The following EPB41 variants were observed in gnomAD, a reference collection of about 807,000 sequenced individuals.
The protein encoded by EPB41 is protein 4.1.
Under a neutral mutation model 108.0 loss-of-function variants are expected in EPB41, and 65 were observed. That is an observed-to-expected ratio of 0.60 (90% CI 0.49 to 0.74). EPB41 has a LOEUF of 0.74. Among genes scored for constraint, EPB41 ranks in the 30% least tolerant of loss-of-function variants. The pLI, the probability that EPB41 is intolerant of heterozygous loss-of-function variation, is 0.00. For synonymous variants in EPB41, 336 were observed against 358.9 expected (o/e 0.94, Z 0.72); for missense variants, 875 against 1,037.0 (o/e 0.84, Z 2.15).
chr1:28,921,410 T>C (rs2093057798), intron 1 of EPB41, among the ~76,000 whole-genome samples: 1 of 152,128 alleles, frequency 6.6e-6, no homozygotes, highest in African/African-American at 2.4e-5. Context: ...TTGAAATTCA[T>C]CCCATTCCCC....
At chr1:29,075,315 T>C (rs1396662812) in intron 16 of EPB41, among the ~76,000 whole-genome samples, 1 of 151,564 alleles carries the variant, frequency 6.6e-6, no homozygotes, top group Non-Finnish European at 1.5e-5. Context: ...CTATCTCTAC[T>C]AAAAATACAA....
intron 16 of EPB41, among the ~76,000 whole-genome samples, chr1:29,093,485 A>G (rs535813435): frequency 8.5e-5 from 13 of 152,214 alleles, no homozygotes; most frequent in African/African-American, 2.6e-4. Flanking sequence ...ATTTTCCCCA[A>G]TTCTGTAGGT....
chr1:29,049,283 C>T (rs954772197), intron 11 of EPB41, among the ~76,000 whole-genome samples: 1 of 152,118 alleles, frequency 6.6e-6, no homozygotes, highest in Non-Finnish European at 1.5e-5. Flanking sequence ...CTATTTAATA[C>T]TAGCAACTTA....
chr1:29,102,899 G>A (rs1665920367), intron 17 of EPB41, among the ~76,000 whole-genome samples: 1 of 152,044 alleles, frequency 6.6e-6, no homozygotes, highest in South Asian at 2.1e-4. Context: ...CAGCCTCCCA[G>A]GTGGCTGGGA....
upstream of EPB41, among the ~76,000 whole-genome samples, chr1:28,910,045 C>A (rs142089266): frequency 4.6e-3 from 695 of 151,462 alleles, 20 homozygotes; most frequent in East Asian, 6.4e-3. Flanking sequence ...TGTGGTCATG[C>A]TACTGTACAC....
intron 1 of EPB41, among the ~76,000 whole-genome samples, chr1:28,968,227 C>T (rs932367399): frequency 6.6e-6 from 1 of 151,846 alleles, no homozygotes; most frequent in African/African-American, 2.4e-5. Flanking sequence ...TGTGGTGGCA[C>T]TCCTTTAGTC....
chr1:29,086,881 A>G (rs1195788021), intron 16 of EPB41, among the ~76,000 whole-genome samples: 1 of 150,214 alleles, frequency 6.7e-6, no homozygotes, highest in Non-Finnish European at 1.5e-5. Flanking sequence ...AATTTTCAGG[A>G]TATATTTTCA....
intron 12 of EPB41, among the ~76,000 whole-genome samples, chr1:29,057,419 G>A (rs1645734674): frequency 6.8e-6 from 1 of 147,052 alleles, no homozygotes; most frequent in African/African-American, 2.5e-5. Flanking sequence ...ACCCCAAACC[G>A]TTAATTACCC....
At chr1:28,988,017 C>A (rs2095907994) in intron 2 of EPB41, 112 bp downstream of exon 2, 2 of 1,141,888 alleles carry the variant, frequency 1.8e-6, no homozygotes, top group African/African-American at 1.5e-5. Context: ...AATTCCACCA[C>A]TTTGGGAGGC....
intron 4 of EPB41, among the ~76,000 whole-genome samples, chr1:29,007,848 T>A (rs1161902611): frequency 6.7e-6 from 1 of 149,658 alleles, no homozygotes; most frequent in Non-Finnish European, 1.5e-5. Context: ...TAATACATAC[T>A]CCTTGGGTGA....
At chr1:28,892,769 A>T (rs1366105684) in intron 1 of EPB41, among the ~76,000 whole-genome samples, 1 of 151,920 alleles carries the variant, frequency 6.6e-6, no homozygotes. Context: ...TAGAGCCATA[A>T]ATAGTGAAGT....
Position 29,102,021 on chromosome 1 carries a change from G to A in EPB41, c.2313+4086G>A, listed in dbSNP as rs531106871. Among the ~76,000 whole-genome samples the A allele has an allele frequency of 8.5e-5, 13 of 152,326 alleles. No homozygotes were observed. The East Asian group carries it at 2.5e-3, about 29-fold the overall frequency. On this transcript the variant is annotated intron_variant, in intron 17 of 20. Coordinates refer to ENST00000343067, the MANE Select transcript of EPB41 (RefSeq NM_001376013.1). Reference sequence around the variant, plus strand: ...ACAAGAAAAAAGAAATGTGTCAGTCGAGAGAGACAGAGAAATGAATGAATA... The same window carrying A: ...ACAAGAAAAAAGAAATGTGTCAGTCAAGAGAGACAGAGAAATGAATGAATA...
At chr1:28,948,284 C>T (rs1052602266) in intron 1 of EPB41, among the ~76,000 whole-genome samples, 99 of 151,894 alleles carry the variant, frequency 6.5e-4, no homozygotes, top group Non-Finnish European at 1.1e-3. Context: ...GAGGCCGAGG[C>T]GGGCGGATCA....
chr1:28,937,598 T>A (rs528789834), intron 1 of EPB41, among the ~76,000 whole-genome samples: 3 of 152,334 alleles, frequency 2.0e-5, no homozygotes, highest in Admixed American at 6.5e-5. Flanking sequence ...TTTCACCATG[T>A]TGGCCAGGCT....
intron 1 of EPB41, among the ~76,000 whole-genome samples, chr1:28,904,698 G>C (rs2091623240): frequency 1.3e-5 from 2 of 151,992 alleles, no homozygotes; most frequent in Non-Finnish European, 1.5e-5. Flanking sequence ...AGGAGTTTGA[G>C]GCCAGCCTAG....
chr1:29,108,227 C>T (rs1239304782), intron 17 of EPB41, among the ~76,000 whole-genome samples: 2 of 149,770 alleles, frequency 1.3e-5, no homozygotes, highest in Non-Finnish European at 3.0e-5. Context: ...CAGCTCTCCA[C>T]AACCTCTGCC....
chr1:29,010,900 G>A (rs903073707), intron 4 of EPB41, among the ~76,000 whole-genome samples: 2 of 152,108 alleles, frequency 1.3e-5, no homozygotes, highest in African/African-American at 2.4e-5. Flanking sequence ...ATCACCTGAG[G>A]TCAGGAGTTG....
chr1:28,909,059 T>C (rs1227701654), intron 1 of EPB41, among the ~76,000 whole-genome samples: 1 of 149,084 alleles, frequency 6.7e-6, no homozygotes, highest in Non-Finnish European at 1.5e-5. Context: ...CTTTGGAGGC[T>C]GAGGCAGGAG....
chr1:29,098,778 C>T (rs1664157895), intron 17 of EPB41, among the ~76,000 whole-genome samples: 1 of 151,954 alleles, frequency 6.6e-6, no homozygotes, highest in Non-Finnish European at 1.5e-5. Context: ...CTCAGTCACT[C>T]TGTCGCCCAG....
Sources: gnomAD v4.1 joint callset for allele counts (sites outside exome capture counted in the v4.1 genomes callset) on GRCh38, gnomAD v4.1.1 for gene constraint, MANE v1.5 for transcripts, NCBI Gene and HGNC (gene_info 2026-07-23, HGNC 2026-07-21) for gene names.